FPGT: variants seen among roughly 807,000 people sequenced by gnomAD.
FPGT encodes GDP-L-fucose diphosphorylase.
In FPGT, 41 loss-of-function variants were observed where a neutral mutation model predicts 45.8. The ratio of observed to expected loss-of-function variants is 0.90; its 90% CI spans 0.70 to 1.16. The LOEUF (loss-of-function observed/expected upper bound fraction) is 1.16, where lower values mean the gene tolerates loss of function less well. Ranked by LOEUF, FPGT falls within the 50% of genes most tolerant of loss-of-function variation. The pLI, the probability that FPGT is intolerant of heterozygous loss-of-function variation, is 0.00. For missense variants in FPGT, 755 were observed against 689.1 expected (o/e 1.10, Z -1.07); for synonymous variants, 292 against 247.2 (o/e 1.18, Z -1.70).
intron 2 of FPGT, among the ~76,000 whole-genome samples, 172 bp from the exon 3 acceptor site, chr1:74,201,146 G>T (rs1310223075): frequency 6.6e-6 from 1 of 152,078 alleles, no homozygotes; most frequent in Admixed American, 6.5e-5. Flanking sequence ...TTGGTTGTTT[G>T]CTATGAGATG....
chr1:74,204,677 T>G lies in FPGT; in HGVS notation c.630T>G (p.Pro210=), dbSNP rs1366648074. ...GTTHGVFVLD[P]FDDLKHRDLE... ...CACATGGAGTATTTGTCTTAGATCC[T>G]TTTGATGATTTAAAACATAGAGACC... The change falls in exon 4 of 4, where the codon CCT becomes CCG. Residue 210 remains proline (P), a synonymous_variant. Coordinates refer to ENST00000370898, the MANE Select transcript of FPGT (RefSeq NM_003838.5). 1 of 1,613,168 alleles carries G rather than the reference T, an allele frequency of 6.2e-7. No individual in the cohort carries two copies. Among genetic ancestry groups the G allele is most frequent in the Non-Finnish European group, 8.5e-7 (1 of 1,179,230 alleles).
Position 74,208,696 on chromosome 1 carries a change from A to T in FPGT, c.*2864A>T, listed in dbSNP as rs1652480119. On this transcript the variant is annotated 3_prime_UTR_variant, in exon 4 of 4. Coordinates refer to ENST00000370898, the MANE Select transcript of FPGT (RefSeq NM_003838.5). ...ATACTGATTGAAATAAAGCTTTAAA[A>T]ATCCAAGTGATACTCTGAAATTGTC... Among the ~76,000 whole-genome samples the T allele has an allele frequency of 6.6e-6, 1 of 152,088 alleles. No homozygotes were observed. The highest frequency in any genetic ancestry group is 2.1e-4 in the South Asian group (1 of 4,836).
In FPGT at chr1:74,198,291, A is replaced by T; in HGVS notation, c.13A>T (p.Arg5Trp). The T allele has an allele frequency of 6.2e-7, 1 of 1,614,114 alleles. No individual in the cohort carries two copies. The highest frequency in any genetic ancestry group is 8.5e-7 in the Non-Finnish European group (1 of 1,180,018). Residue 5 changes from arginine (R) to tryptophan (W), a missense_variant, in exon 1 of 4, where the codon AGG (arginine) becomes TGG (tryptophan). Transcript: ENST00000370898. ...GGAAGGTGGGGCTATGGCAGCTGCTAGGGACCCTCCGGAAGTATCGCTGCG... is the reference window on the plus strand; with the variant it reads ...GGAAGGTGGGGCTATGGCAGCTGCTTGGGACCCTCCGGAAGTATCGCTGCG... MAAARDPPEVSLREA... is the reference protein window; with the variant it reads MAAAWDPPEVSLREA...
At position 74,207,075 on chromosome 1, in the gene FPGT, T is replaced by A. The variant is rs781181296; in HGVS notation, c.*1243T>A. 1.3e-5 allele frequency: 2 copies of A among 152,098 alleles called. No homozygotes were observed. The highest frequency in any genetic ancestry group is 2.9e-5 in the Non-Finnish European group (2 of 67,974). 9.4% of individuals were successfully genotyped at this position (152,098 alleles called of 1,614,324 possible). Reference sequence around the variant, plus strand: ...AGCTATTGTTTAAAAATGATTGATTTACTTGCAGATTTTTCAGAGGATGTT... The same window carrying A: ...AGCTATTGTTTAAAAATGATTGATTAACTTGCAGATTTTTCAGAGGATGTT... On this transcript the variant is annotated 3_prime_UTR_variant, in exon 4 of 4. Coordinates refer to ENST00000370898, the MANE Select transcript of FPGT (RefSeq NM_003838.5).
chr1:74,205,829 G>C lies in FPGT; in HGVS notation c.1782G>C (p.Met594Ile). 6.6e-7 allele frequency: 1 copy of C among 1,515,528 alleles called. No homozygotes were observed. Among genetic ancestry groups the C allele is most frequent in the Non-Finnish European group, 9.1e-7 (1 of 1,103,048 alleles). 93.9% of individuals were successfully genotyped at this position (1,515,528 alleles called of 1,614,324 possible). ...AAATCAGTTTAAAAAGCAGTTTGAT[G>C]TAGAGATATTTTAAATATTGTACAC... ...FLEISLKSSLM is the reference protein window; with the variant it reads ...FLEISLKSSLI The change falls in exon 4 of 4, where the codon ATG (methionine) becomes ATC (isoleucine). Residue 594 changes from methionine to isoleucine, a missense_variant. Coordinates refer to ENST00000370898, the MANE Select transcript of FPGT (RefSeq NM_003838.5).
chr1:74,200,791 A>T (rs1018369922), intron 2 of FPGT: 2 of 155,582 alleles, frequency 1.3e-5, no homozygotes, highest in Non-Finnish European at 2.9e-5. Context: ...TACAGGCGTG[A>T]TATTATTTCC....
intron 2 of FPGT, among the ~76,000 whole-genome samples, chr1:74,200,541 G>T (rs1651698274): frequency 8.4e-6 from 1 of 119,640 alleles, no homozygotes; most frequent in Admixed American, 1.1e-4. Flanking sequence ...GTCTTGCTCT[G>T]TTGCCCAGGC....
intron 1 of FPGT, among the ~76,000 whole-genome samples, chr1:74,199,170 A>C (rs1376102872): frequency 6.6e-6 from 1 of 152,224 alleles, no homozygotes; most frequent in Non-Finnish European, 1.5e-5. Flanking sequence ...ATCTTAAAGT[A>C]ATAGAAAATA....
chr1:74,201,420 T>C lies in FPGT; in HGVS notation c.343+10T>C. On this transcript the variant is annotated intron_variant, in intron 3 of 3. Transcript: ENST00000370898. ...TTATTAATTCACTCTGGTAATGTTA[T>C]ACTTTACTAATTTACATTTTCTTTT... The C allele has an allele frequency of 1.3e-6, 2 of 1,533,244 alleles. No individual in the cohort carries two copies. The highest frequency in any genetic ancestry group is 1.2e-5 in the South Asian group (1 of 83,870). The allele number at this position is 1,533,244 out of a possible 1,614,324, so 95.0% of individuals were successfully genotyped here.
intron 1 of FPGT, among the ~76,000 whole-genome samples, chr1:74,199,450 GA>G (rs374153397): frequency 6.6e-6 from 1 of 151,534 alleles, no homozygotes; most frequent in African/African-American, 2.4e-5. Flanking sequence ...TGATCTAAAA[GA>G]AAAAAAAGGA....
At chr1:74,201,863 A>G (rs1187117997) in intron 3 of FPGT, among the ~76,000 whole-genome samples, 1 of 152,152 alleles carries the variant, frequency 6.6e-6, no homozygotes, top group Non-Finnish European at 1.5e-5. Flanking sequence ...CTAGGTATTA[A>G]GCCAGCATGC....
At chr1:74,200,590 C>T (rs522042) in intron 2 of FPGT, 62,493 of 149,862 alleles carry the variant, frequency 0.42, 14,404 homozygotes, top group East Asian at 0.73. Context: ...CTCCAAGCTC[C>T]GCCTCCCAGG....
rs1570322780 is a variant in FPGT at position 74,207,564 on chromosome 1, C to G, written c.*1732C>G. ...TGATACCCTTCTATTTGGCAAAACT[C>G]AGTTTCACTTTTCTTTCAGTTTAAT... On this transcript the variant is annotated 3_prime_UTR_variant, in exon 4 of 4. Transcript: ENST00000370898. Among the ~76,000 whole-genome samples the G allele has an allele frequency of 5.3e-5, 8 of 152,154 alleles. No individual in the cohort carries two copies. In the South Asian group the frequency reaches 1.7e-3, roughly 32 times the overall value.
Position 74,205,668 on chromosome 1 carries a change from T to A in FPGT, c.1621T>A (p.Ser541Thr). ...TTCTTTGAGTGACTCAGTTATAACA[T>A]CCCTAAAGATGTTAAATGCTGTTAA... The part of the protein sequence containing the change: ...CSSLSDSVIT[S>T]LKMLNAVKNK... The change falls in exon 4 of 4, where the codon TCC becomes ACC. Residue 541 changes from serine to threonine, a missense_variant. Physicochemically the swap from Ser to Thr is moderately conservative, Grantham distance 58. Coordinates refer to ENST00000370898, the MANE Select transcript of FPGT (RefSeq NM_003838.5). 1.2e-6 allele frequency: 2 copies of A among 1,611,878 alleles called. No homozygotes were observed. Among genetic ancestry groups the A allele is most frequent in the African/African-American group, 2.7e-5 (2 of 74,982 alleles).
chr1:74,204,729 C>T lies in FPGT; in HGVS notation c.682C>T (p.Leu228Phe), dbSNP rs765874898. 6 of 1,613,922 alleles carry T rather than the reference C, an allele frequency of 3.7e-6. No homozygotes were observed. In the South Asian group the frequency reaches 6.6e-5, roughly 18 times the overall value. The change falls in exon 4 of 4, where the codon CTT becomes TTT. Residue 228 changes from leucine (L) to phenylalanine (F), a missense_variant. Physicochemically the swap from Leu to Phe is conservative, Grantham distance 22. Coordinates refer to ENST00000370898, the MANE Select transcript of FPGT (RefSeq NM_003838.5). ...TGAATACAGGTCTTGCCATCGTTTCCTTCATAAGCCCAGCATAGAAAAGAT... is the reference window on the plus strand; with the variant it reads ...TGAATACAGGTCTTGCCATCGTTTCTTTCATAAGCCCAGCATAGAAAAGAT... ...DLEYRSCHRF[L>F]HKPSIEKMYQ...
chr1:74,198,292 G>A lies in FPGT; in HGVS notation c.14G>A (p.Arg5Lys), dbSNP rs199558076. 6.2e-7 allele frequency: 1 copy of A among 1,614,138 alleles called. No homozygotes were observed. MAAA[R>K]DPPEVSLREA... Reference sequence around the variant, plus strand: ...GAAGGTGGGGCTATGGCAGCTGCTAGGGACCCTCCGGAAGTATCGCTGCGA... The same window carrying A: ...GAAGGTGGGGCTATGGCAGCTGCTAAGGACCCTCCGGAAGTATCGCTGCGA... Residue 5 changes from arginine (R) to lysine (K), a missense_variant, in exon 1 of 4, where the codon AGG becomes AAG. Transcript: ENST00000370898.
chr1:74,204,873 A>G lies in FPGT; in HGVS notation c.826A>G (p.Met276Val), dbSNP rs909159905. The change falls in exon 4 of 4, where the codon ATG (methionine) becomes GTG (valine). Residue 276 changes from methionine to valine, a missense_variant. Transcript: ENST00000370898. ...TGTCTACACAGATAGCCTATTTTATATGGATCATAAATCAGCAAAAATGTT... is the reference window on the plus strand; with the variant it reads ...TGTCTACACAGATAGCCTATTTTATGTGGATCATAAATCAGCAAAAATGTT... ...DYVYTDSLFY[M>V]DHKSAKMLLA... 4.3e-6 allele frequency: 7 copies of G among 1,613,664 alleles called. No homozygotes were observed. The highest frequency in any genetic ancestry group is 5.9e-6 in the Non-Finnish European group (7 of 1,179,934).
chr1:74,199,742 A>G lies in FPGT; in HGVS notation c.161A>G (p.Asn54Ser). The G allele has an allele frequency of 6.2e-7, 1 of 1,614,212 alleles. No homozygotes were observed. The highest frequency in any genetic ancestry group is 1.1e-5 in the South Asian group (1 of 91,084). ...AADEKQELAY[N>S]QQLSEKLKRK... ...GATGAAAAACAGGAACTTGCTTACAACCAACAGCTGTCAGAAAAGCTGAAA... is the reference window on the plus strand; with the variant it reads ...GATGAAAAACAGGAACTTGCTTACAGCCAACAGCTGTCAGAAAAGCTGAAA... Residue 54 changes from asparagine to serine, a missense_variant, in exon 2 of 4, where the codon AAC becomes AGC. By Grantham distance (46) the Asn-to-Ser change is conservative. Coordinates refer to ENST00000370898, the MANE Select transcript of FPGT (RefSeq NM_003838.5).
At chr1:74,198,544 A>G (rs1237283564) in intron 1 of FPGT, 184 bp downstream of exon 1, 3 of 757,118 alleles carry the variant, frequency 4.0e-6, no homozygotes, top group Non-Finnish European at 6.3e-6. Context: ...CCTGCTTGAC[A>G]TGCTTGTTGC....
Sources: allele counts gnomAD v4.1 joint callset (sites outside exome capture counted in the v4.1 genomes callset), GRCh38; gene constraint gnomAD v4.1.1; transcripts MANE v1.5; gene names NCBI Gene and HGNC (gene_info 2026-07-23, HGNC 2026-07-21).